ZPBP: variants seen among roughly 807,000 people sequenced by gnomAD.
The protein encoded by ZPBP is zona pellucida binding protein, also known as zona pellucida-binding protein 1.
A neutral mutation model predicts 44.8 loss-of-function variants in ZPBP; 26 were observed. That is an observed-to-expected ratio of 0.58 (90% CI 0.43 to 0.81). ZPBP has a LOEUF of 0.81. Ranked by LOEUF, ZPBP falls within the 30% of genes least tolerant of loss-of-function variation. ZPBP has a pLI of 0.00. For synonymous variants in ZPBP, 174 were observed against 153.2 expected (o/e 1.14, Z -1.00); for missense variants, 409 against 434.0 (o/e 0.94, Z 0.51).
At chr7:50,079,772 A>C (rs189361587) in intron 3 of ZPBP, among the ~76,000 whole-genome samples, 1 of 151,878 alleles carries the variant, frequency 6.6e-6, no homozygotes, top group East Asian at 1.9e-4. Context: ...TTGATGTAGG[A>C]AAGCTGAACA....
intron 7 of ZPBP, among the ~76,000 whole-genome samples, chr7:49,963,612 T>A (rs555072865): frequency 1.3e-5 from 2 of 151,852 alleles, no homozygotes; most frequent in African/African-American, 4.8e-5. Context: ...TGTTAACTGA[T>A]GTTAGTTAAA....
At chr7:49,921,880 G>A (rs938610521) in intron 1 of ZPBP, 15 of 151,914 alleles carry the variant, frequency 9.9e-5, no homozygotes, top group Non-Finnish European at 2.2e-4. Context: ...TAATTAGGCC[G>A]AATTTGTATG....
rs961882565 is a variant in ZPBP at position 50,054,828 on chromosome 7, A to G, written c.487+3161T>C. On this transcript the variant is annotated intron_variant, in intron 4 of 7. Coordinates refer to ENST00000046087, the MANE Select transcript of ZPBP (RefSeq NM_007009.3). Reference sequence around the variant, plus strand: ...ATAAAATTAATATCTACATAGCTATATATCTCTCAGTAGCTATTCAGACAC... The same window carrying G: ...ATAAAATTAATATCTACATAGCTATGTATCTCTCAGTAGCTATTCAGACAC... Among the ~76,000 whole-genome samples the G allele has an allele frequency of 1.2e-3, 177 of 152,160 alleles. 3 individuals are homozygous for G. The highest frequency in any genetic ancestry group is 2.5e-4 in the Non-Finnish European group (17 of 68,004).
At chr7:49,880,718 A>T (rs1038613323) in intron 2 of ZPBP, among the ~76,000 whole-genome samples, 1 of 152,010 alleles carries the variant, frequency 6.6e-6, no homozygotes, top group Admixed American at 6.6e-5. Context: ...GCATTAGGAG[A>T]TACACCTAAT....
intron 6 of ZPBP, 75 bp from the exon 7 acceptor site, chr7:49,983,594 G>T: frequency 1.1e-6 from 1 of 939,118 alleles, no homozygotes; most frequent in Non-Finnish European, 1.6e-6. Context: ...GATGCATGTG[G>T]ATTTAGAATT....
chr7:49,894,589 T>C (rs1436120517), intron 2 of ZPBP, among the ~76,000 whole-genome samples: 1 of 152,246 alleles, frequency 6.6e-6, no homozygotes, highest in Non-Finnish European at 1.5e-5. Flanking sequence ...GTACATATAC[T>C]GAGCTCTAGC....
intron 2 of ZPBP, among the ~76,000 whole-genome samples, chr7:49,879,083 C>T (rs1217271538): frequency 6.6e-6 from 1 of 152,164 alleles, no homozygotes; most frequent in East Asian, 1.9e-4. Context: ...AGTTCATTCC[C>T]TCAATCCTCA....
At chr7:49,983,593 G>A in intron 6 of ZPBP, 74 bp from the exon 7 acceptor site, 1 of 942,578 alleles carries the variant, frequency 1.1e-6, no homozygotes. Flanking sequence ...GGATGCATGT[G>A]GATTTAGAAT....
At chr7:50,037,058 T>G (rs1799859885) in intron 4 of ZPBP, among the ~76,000 whole-genome samples, 1 of 152,088 alleles carries the variant, frequency 6.6e-6, no homozygotes, top group Admixed American at 6.5e-5. Flanking sequence ...TCAATGAATT[T>G]GGAGAGTTGG....
chr7:49,851,005 C>G (rs910027211), intron 2 of ZPBP, among the ~76,000 whole-genome samples: 1 of 152,180 alleles, frequency 6.6e-6, no homozygotes, highest in African/African-American at 2.4e-5. Flanking sequence ...TCAGTTTACT[C>G]GTCCGCAATT....
chr7:49,936,925 A>C (rs913070750), downstream of ZPBP, among the ~76,000 whole-genome samples: 2 of 152,174 alleles, frequency 1.3e-5, no homozygotes, highest in Non-Finnish European at 1.5e-5. Context: ...ACATACAATA[A>C]TTACTCCATT....
intron 6 of ZPBP, among the ~76,000 whole-genome samples, chr7:49,995,276 T>A (rs1396954893): frequency 6.6e-6 from 1 of 151,974 alleles, no homozygotes; most frequent in Admixed American, 6.6e-5. Context: ...AGCTGGGGAG[T>A]TGATATTCTT....
intron 1 of ZPBP, chr7:49,914,344 T>C (rs1367556022): frequency 2.0e-5 from 3 of 152,238 alleles, no homozygotes; most frequent in African/African-American, 7.2e-5. Flanking sequence ...AAACCTAGTA[T>C]TTTGTTGCAT....
intron 1 of ZPBP, 147 bp from the exon 2 acceptor site, chr7:50,089,856 C>T: frequency 1.5e-6 from 1 of 664,278 alleles, no homozygotes; most frequent in African/African-American, 1.8e-5. Context: ...AACTCTATTC[C>T]CCCTCAGATG....
At chr7:49,894,168 C>CTT (rs10654386) in intron 2 of ZPBP, among the ~76,000 whole-genome samples, 1 of 151,778 alleles carries the variant, frequency 6.6e-6, no homozygotes, top group Non-Finnish European at 1.5e-5. Flanking sequence ...TCTTTTCTTT[C>CTT]TTTCTTTTGA....
chr7:50,084,163 T>C (rs1414200312), intron 2 of ZPBP, among the ~76,000 whole-genome samples: 1 of 151,470 alleles, frequency 6.6e-6, no homozygotes, highest in African/African-American at 2.4e-5. Flanking sequence ...ATGGAAAAAG[T>C]TGGGTAAAAT....
At chr7:49,943,644 C>T in intron 7 of ZPBP, 1 of 309,976 alleles carries the variant, frequency 3.2e-6, no homozygotes, top group Non-Finnish European at 6.3e-6. Flanking sequence ...ATTTTGTTGC[C>T]CAGGTTGCAA....
chr7:49,973,599 CAATT>C (rs1443262719), intron 7 of ZPBP, among the ~76,000 whole-genome samples: 1 of 152,022 alleles, frequency 6.6e-6, no homozygotes, highest in African/African-American at 2.4e-5. Flanking sequence ...TGCTCAATAT[CAATT>C]AGTCATTAGA....
intron 1 of ZPBP, among the ~76,000 whole-genome samples, chr7:49,931,044 T>C (rs1479175561): frequency 6.6e-6 from 1 of 152,242 alleles, no homozygotes; most frequent in Non-Finnish European, 1.5e-5. Flanking sequence ...CTGCTGCGCA[T>C]GCTCTCTTGC....
Sources: allele counts gnomAD v4.1 joint callset (sites outside exome capture counted in the v4.1 genomes callset), GRCh38; gene constraint gnomAD v4.1.1; transcripts MANE v1.5; gene names NCBI Gene and HGNC (gene_info 2026-07-23, HGNC 2026-07-21).